The following ZNF169 variants were observed in gnomAD, a reference collection of about 807,000 sequenced individuals.
ZNF169 encodes the protein zinc finger protein 169.
In ZNF169, 11 loss-of-function variants were observed where a neutral mutation model predicts 12.0. The observed-to-expected ratio is 0.92, with a 90% CI of 0.58 to 1.52. The LOEUF is 1.52. Among genes scored for constraint, ZNF169 ranks in the 40% most tolerant of loss-of-function variants. The pLI is 0.00. For synonymous variants in ZNF169, 302 were observed against 286.5 expected (o/e 1.05, Z -0.55); for missense variants, 722 against 744.0 (o/e 0.97, Z 0.34).
At chr9:94,273,103 A>G (rs1830452601) in intron 1 of ZNF169, among the ~76,000 whole-genome samples, 1 of 152,148 alleles carries the variant, frequency 6.6e-6, no homozygotes, top group Non-Finnish European at 1.5e-5. Context: ...AGTTCTTTAT[A>G]TATTCTACAT....
In ZNF169 at chr9:94,293,069, G is replaced by T. The variant is rs755920182; in HGVS notation, c.256G>T (p.Glu86Ter). The T allele has an allele frequency of 6.2e-7, 1 of 1,612,314 alleles. No individual in the cohort carries two copies. Among genetic ancestry groups the T allele is most frequent in the Non-Finnish European group, 8.5e-7 (1 of 1,179,070 alleles). Reference protein sequence around the residue: ...ENEHLLDLCPEPRTEFQPSFP... With the variant: ...ENEHLLDLCP ...CGAACATCTTCTGGACCTTTGTCCA[G>T]GTGAGTGGGAAGCCCTGGGCAAGCG... The change falls in exon 4 of 5, where the codon GAG (glutamate) becomes TAG (stop). Residue 86 changes from glutamate to a stop codon, truncating the protein, a stop_gained and splice_region_variant. Transcript: ENST00000395395. LOFTEE classifies it low-confidence loss of function (END_TRUNC).
chr9:94,289,228 A>C (rs770175026), intron 2 of ZNF169, among the ~76,000 whole-genome samples: 1 of 151,350 alleles, frequency 6.6e-6, no homozygotes, highest in Non-Finnish European at 1.5e-5. Context: ...GTAAGACCCC[A>C]TCTGTTAAAA....
At chr9:94,260,609 C>T (rs1278243698) in intron 1 of ZNF169, among the ~76,000 whole-genome samples, 3 of 151,984 alleles carry the variant, frequency 2.0e-5, no homozygotes, top group African/African-American at 7.3e-5. Context: ...TGCATGGGGG[C>T]GTGCTTGTAT....
rs764682972 is a variant in ZNF169 at position 94,300,144 on chromosome 9, G to A, written c.586G>A (p.Gly196Arg). 10 of 1,614,180 alleles carry A rather than the reference G, an allele frequency of 6.2e-6. No homozygotes were observed. The highest frequency in any genetic ancestry group is 7.6e-6 in the Non-Finnish European group (9 of 1,180,034). The change falls in exon 5 of 5, where the codon GGG becomes AGG. Residue 196 changes from glycine (G) to arginine (R), a missense_variant. Gly to Arg is a moderately radical substitution (Grantham distance 125). Coordinates refer to ENST00000395395, the MANE Select transcript of ZNF169 (RefSeq NM_194320.4). ...LRLAQRMSLGGSDTMLKGADT... is the reference protein window; with the variant it reads ...LRLAQRMSLGRSDTMLKGADT... ...CCTGGCCCAAAGGATGAGTCTTGGG[G>A]GGTCAGACACAATGTTGAAGGGAGC...
chr9:94,275,691 C>T (rs1052107634), intron 1 of ZNF169, among the ~76,000 whole-genome samples: 5 of 151,846 alleles, frequency 3.3e-5, no homozygotes, highest in East Asian at 1.9e-4. Flanking sequence ...AAATAGGAGT[C>T]GTGGGGGCAT....
chr9:94,292,254 C>G, intron 2 of ZNF169, 87 bp from the exon 3 acceptor site: 1 of 1,610,708 alleles, frequency 6.2e-7, no homozygotes, highest in Non-Finnish European at 8.5e-7. Context: ...AGGACTGCTT[C>G]TTTCTGCCTT....
At chr9:94,283,460 A>G (rs1394231028) in intron 2 of ZNF169, among the ~76,000 whole-genome samples, 1 of 152,192 alleles carries the variant, frequency 6.6e-6, no homozygotes, top group Non-Finnish European at 1.5e-5. Flanking sequence ...GTCCTTCCCC[A>G]AAAGCAACTA....
chr9:94,273,018 A>G (rs763398365), intron 1 of ZNF169, among the ~76,000 whole-genome samples: 37 of 151,918 alleles, frequency 2.4e-4, no homozygotes, highest in Non-Finnish European at 4.9e-4. Context: ...GGCTATTTCT[A>G]TATCTTCTTT....
chr9:94,301,213 G>T lies in ZNF169; in HGVS notation c.1655G>T (p.Gly552Val). The part of the protein sequence containing the change: ...CICDECGRGF[G>V]FKSALIRHQR... ...TGCGATGAATGTGGGCGCGGCTTTG[G>T]CTTTAAGTCTGCCCTCATCCGACAT... The change falls in exon 5 of 5, where the codon GGC (glycine) becomes GTC (valine). Residue 552 changes from glycine (G) to valine (V), a missense_variant. Physicochemically the swap from Gly to Val is moderately radical, Grantham distance 109 (BLOSUM62 -3). Coordinates refer to ENST00000395395, the MANE Select transcript of ZNF169 (RefSeq NM_194320.4). The T allele has an allele frequency of 6.2e-7, 1 of 1,614,140 alleles. No individual in the cohort carries two copies. Among genetic ancestry groups the T allele is most frequent in the Non-Finnish European group, 8.5e-7 (1 of 1,180,032 alleles).
At chr9:94,283,822 A>C (rs1830678896) in intron 2 of ZNF169, among the ~76,000 whole-genome samples, 1 of 152,124 alleles carries the variant, frequency 6.6e-6, no homozygotes, top group South Asian at 2.1e-4. Context: ...TAATCCCAGC[A>C]CTTTGGGAGG....
chr9:94,276,944 G>GCGAGCCAAA (rs1830531174), intron 1 of ZNF169, among the ~76,000 whole-genome samples: 1 of 152,120 alleles, frequency 6.6e-6, no homozygotes, highest in South Asian at 2.1e-4. Context: ...GAGATTTATT[G>GCGAGCCAAA]TGAGCCAAAT....
intron 4 of ZNF169, among the ~76,000 whole-genome samples, chr9:94,298,311 T>A (rs1485278096): frequency 1.6e-4 from 25 of 152,216 alleles, no homozygotes; most frequent in Non-Finnish European, 2.9e-5. Context: ...ATGCTTTGCT[T>A]ATTCACTACA....
At chr9:94,291,195 A>G (rs1028930842) in intron 2 of ZNF169, among the ~76,000 whole-genome samples, 6 of 151,916 alleles carry the variant, frequency 3.9e-5, no homozygotes, top group Admixed American at 1.3e-4. Flanking sequence ...CTGGGACTAC[A>G]GATGCTTGCC....
intron 1 of ZNF169, among the ~76,000 whole-genome samples, chr9:94,265,154 G>A (rs1040746997): frequency 6.6e-6 from 1 of 151,296 alleles, no homozygotes; most frequent in Non-Finnish European, 1.5e-5. Context: ...CCTGTTCCCG[G>A]ACCAAACTGA....
At chr9:94,269,304 G>C (rs1486459619) in intron 1 of ZNF169, among the ~76,000 whole-genome samples, 3 of 152,090 alleles carry the variant, frequency 2.0e-5, no homozygotes, top group Non-Finnish European at 2.9e-5. Flanking sequence ...TGCTTCCCTT[G>C]GTGGTACCGG....
intron 4 of ZNF169, among the ~76,000 whole-genome samples, chr9:94,297,986 G>T (rs1232996963): frequency 6.6e-6 from 1 of 151,972 alleles, no homozygotes; most frequent in African/African-American, 2.4e-5. Flanking sequence ...GGCCAACATG[G>T]TGAGACCCTG....
chr9:94,300,978 A>AT lies in ZNF169; in HGVS notation c.1421dup (p.Arg475GlnfsTer24), dbSNP rs576738889. On this transcript the variant is annotated frameshift_variant, in exon 5 of 5. Coordinates refer to ENST00000395395, the MANE Select transcript of ZNF169 (RefSeq NM_194320.4). LOFTEE classifies it low-confidence loss of function (END_TRUNC). Reference sequence around the variant, plus strand: ...TGGCTTTGGTCAGAAGGTCACCCTCATCAGACACCAGAGGACACACACAGG... The same window carrying AT: ...TGGCTTTGGTCAGAAGGTCACCCTCATTCAGACACCAGAGGACACACACAGG... 8.3e-5 allele frequency: 134 copies of AT among 1,607,180 alleles called. No homozygotes were observed. Among genetic ancestry groups the AT allele is most frequent in the Non-Finnish European group, 1.1e-4 (128 of 1,177,630 alleles).
chr9:94,296,037 A>T (rs527658260), intron 4 of ZNF169, among the ~76,000 whole-genome samples: 1 of 152,334 alleles, frequency 6.6e-6, no homozygotes, highest in East Asian at 1.9e-4. Context: ...CATATTTGTC[A>T]AAACTTGGCT....
rs748657947 is a variant in ZNF169 at position 94,301,267 on chromosome 9, A to T, written c.1709A>T (p.Tyr570Phe). The change falls in exon 5 of 5, where the codon TAT becomes TTT. Residue 570 changes from tyrosine (Y) to phenylalanine (F), a missense_variant. Physicochemically the swap from Tyr to Phe is conservative, Grantham distance 22. Coordinates refer to ENST00000395395, the MANE Select transcript of ZNF169 (RefSeq NM_194320.4). ...CGGACCCATTCTGGGGAGAAGCCGTATGTCTGCAGGGAGTGTGGGCGTGGC... is the reference window on the plus strand; with the variant it reads ...CGGACCCATTCTGGGGAGAAGCCGTTTGTCTGCAGGGAGTGTGGGCGTGGC... ...HQRTHSGEKPYVCRECGRGFS... is the reference protein window; with the variant it reads ...HQRTHSGEKPFVCRECGRGFS... The T allele has an allele frequency of 5.0e-6, 8 of 1,613,868 alleles. No individual in the cohort carries two copies. In the Admixed American group the frequency reaches 6.7e-5, roughly 13 times the overall value.
Sources: allele counts gnomAD v4.1 joint callset (sites outside exome capture counted in the v4.1 genomes callset), GRCh38; gene constraint gnomAD v4.1.1; transcripts MANE v1.5; gene names NCBI Gene and HGNC (gene_info 2026-07-23, HGNC 2026-07-21).